The following PCDH11X variants were observed in gnomAD, a reference collection of about 807,000 sequenced individuals.
PCDH11X encodes the protein protocadherin-11 X-linked.
In PCDH11X, 18 loss-of-function variants were observed where a neutral mutation model predicts 53.3. The observed-to-expected ratio is 0.34, with a 90% CI of 0.23 to 0.50. The LOEUF (loss-of-function observed/expected upper bound fraction) is 0.50. PCDH11X is among the 20% of genes least tolerant of loss of function. The pLI is 0.98. For missense variants in PCDH11X, 570 were observed against 1,032.4 expected (o/e 0.55, Z 6.14); for synonymous variants, 279 against 393.3 (o/e 0.71, Z 3.44).
At chrX:92,374,526 A>G (rs1257971794) in intron 8 of PCDH11X, among the ~76,000 whole-genome samples, 8 of 107,848 alleles carry the variant, frequency 7.4e-5, no homozygotes, top group Non-Finnish European at 1.2e-4. Flanking sequence ...TCAATACTTT[A>G]GAATATCAAT....
intron 4 of PCDH11X, among the ~76,000 whole-genome samples, chrX:91,833,724 A>G (rs1937193747): frequency 8.9e-6 from 1 of 111,891 alleles, no homozygotes; most frequent in African/African-American, 3.2e-5. Context: ...AAATAGGAAG[A>G]TTTCTTTTTT....
intron 10 of PCDH11X, among the ~76,000 whole-genome samples, chrX:92,592,332 T>C (rs1925114715): frequency 9.6e-6 from 1 of 103,967 alleles, no homozygotes; most frequent in South Asian, 4.6e-4. Context: ...ATTCTAGATC[T>C]TGTAAAAATC....
chrX:91,793,279 T>C (rs1433006784), intron 1 of PCDH11X, among the ~76,000 whole-genome samples: 1 of 108,041 alleles, frequency 9.3e-6, no homozygotes, highest in Non-Finnish European at 1.9e-5. Context: ...ATCCCTGGAA[T>C]AATATTTGTT....
chrX:92,512,625 A>G (rs1426658470), intron 10 of PCDH11X, among the ~76,000 whole-genome samples: 1 of 112,215 alleles, frequency 8.9e-6, no homozygotes, highest in African/African-American at 3.2e-5. Flanking sequence ...CTTTGCATCT[A>G]TACGCCACAA....
At chrX:91,894,096 A>C (rs1282776443) in intron 6 of PCDH11X, among the ~76,000 whole-genome samples, 3 of 112,149 alleles carry the variant, frequency 2.7e-5, no homozygotes, top group Admixed American at 1.9e-4. Context: ...TCTTAACGCC[A>C]GCTTTAGGAT....
chrX:92,622,644 C>T lies in PCDH11X; in HGVS notation c.*3704C>T, dbSNP rs2750742. ...AATGCTTCCAACTGGCTCAATTGGC[C>T]GGGAAAACATGGGAGCAAGAGAAGC... On this transcript the variant is annotated 3_prime_UTR_variant, in exon 11 of 11. Transcript: ENST00000682573. 2 of 110,533 alleles carry T rather than the reference C, an allele frequency of 1.8e-5. No homozygotes were observed. The highest frequency in any genetic ancestry group is 6.5e-5 in the African/African-American group (2 of 30,576). 9.1% of individuals were successfully genotyped at this position (110,533 alleles called of 1,213,427 possible). A position where few individuals can be genotyped will look rare whatever the true frequency, so the allele number is the denominator to read the frequency against.
intron 6 of PCDH11X, among the ~76,000 whole-genome samples, chrX:92,144,293 C>A (rs2065236368): frequency 9.2e-6 from 1 of 108,532 alleles, no homozygotes; most frequent in Non-Finnish European, 1.9e-5. Context: ...TTGGAGGGGC[C>A]AGGGGCGAAA....
intron 8 of PCDH11X, among the ~76,000 whole-genome samples, chrX:92,266,970 C>G (rs1264805656): frequency 9.0e-6 from 1 of 110,733 alleles, no homozygotes; most frequent in African/African-American, 3.3e-5. Context: ...GTCTCGAACT[C>G]CTGACCTCCA....
chrX:92,442,763 G>T lies in PCDH11X; in HGVS notation c.3344-25536G>T, dbSNP rs2072542742. Reference sequence around the variant, plus strand: ...ACATAATTTCCTTTCTTTTATGGCTGTGTAGTATTCTACAGTGTATACATA... The same window carrying T: ...ACATAATTTCCTTTCTTTTATGGCTTTGTAGTATTCTACAGTGTATACATA... On this transcript the variant is annotated intron_variant, in intron 9 of 10. Transcript: ENST00000682573. Among the ~76,000 whole-genome samples the T allele has an allele frequency of 2.7e-5, 3 of 109,321 alleles. No homozygotes were observed. The Admixed American group carries it at 2.9e-4, about 11-fold the overall frequency. 94.9% of individuals were successfully genotyped at this position (109,321 alleles called of 115,157 possible).
chrX:91,887,089 T>G (rs2147756074), intron 6 of PCDH11X, among the ~76,000 whole-genome samples: 1 of 109,296 alleles, frequency 9.1e-6, no homozygotes, highest in Non-Finnish European at 1.9e-5. Context: ...CACCATGAAA[T>G]ACTAACTGCA....
chrX:92,150,760 T>G (rs1473765239), intron 6 of PCDH11X, among the ~76,000 whole-genome samples: 3 of 110,714 alleles, frequency 2.7e-5, no homozygotes, highest in African/African-American at 1.0e-4. Context: ...TTAAACAACT[T>G]TATTAGATTT....
intron 4 of PCDH11X, among the ~76,000 whole-genome samples, chrX:91,816,365 G>T (rs1409958064): frequency 2.7e-5 from 3 of 110,670 alleles, no homozygotes; most frequent in Admixed American, 9.7e-5. Context: ...ATTTTTTAGG[G>T]AAGAAAGGGA....
chrX:92,552,750 G>A (rs1450720458), intron 10 of PCDH11X, among the ~76,000 whole-genome samples: 1 of 110,715 alleles, frequency 9.0e-6, no homozygotes, highest in African/African-American at 3.3e-5. Flanking sequence ...ATAAAGGAAT[G>A]CTAAATTTTT....
intron 4 of PCDH11X, among the ~76,000 whole-genome samples, chrX:91,825,536 G>A (rs762083853): frequency 7.2e-5 from 8 of 111,292 alleles, no homozygotes; most frequent in East Asian, 5.7e-4. Context: ...GCTTCAGCTC[G>A]CGCACGGTGC....
chrX:92,552,558 TC>T (rs2074977399), intron 10 of PCDH11X, among the ~76,000 whole-genome samples: 1 of 107,843 alleles, frequency 9.3e-6, no homozygotes, highest in South Asian at 4.2e-4. Context: ...TCTAGCTAGT[TC>T]TTGCTACTAT....
chrX:91,820,847 A>G (rs373246231), intron 4 of PCDH11X, among the ~76,000 whole-genome samples: 22,349 of 91,986 alleles, frequency 0.24, 2,645 homozygotes, highest in East Asian at 0.3. Context: ...ATTGATTTTT[A>G]TATAAGGTGT....
At chrX:92,446,715 G>T (rs1432351880) in intron 9 of PCDH11X, among the ~76,000 whole-genome samples, 1 of 111,550 alleles carries the variant, frequency 9.0e-6, no homozygotes, top group Non-Finnish European at 1.9e-5. Flanking sequence ...ACAGTAAATT[G>T]GTTCCAGGAG....
chrX:92,134,270 G>A (rs57121765), intron 6 of PCDH11X, among the ~76,000 whole-genome samples: 1,853 of 109,912 alleles, frequency 0.017, 40 homozygotes, highest in African/African-American at 0.058. Context: ...GAGGTATGTC[G>A]TTTTTTTTGT....
chrX:91,998,686 A>T (rs1285367989), intron 6 of PCDH11X, among the ~76,000 whole-genome samples: 2 of 110,539 alleles, frequency 1.8e-5, no homozygotes, highest in Non-Finnish European at 3.8e-5. Context: ...CATGTTGAAC[A>T]TTATATTTAT....
Sources: gnomAD v4.1 joint callset for allele counts (sites outside exome capture counted in the v4.1 genomes callset) on GRCh38, gnomAD v4.1.1 for gene constraint, MANE v1.5 for transcripts, NCBI Gene and HGNC (gene_info 2026-07-23, HGNC 2026-07-21) for gene names.